CAMTA1: variants seen among roughly 807,000 people sequenced by gnomAD.
CAMTA1 encodes calmodulin binding transcription activator 1.
Under a neutral mutation model 170.9 loss-of-function variants are expected in CAMTA1, and 27 were observed. The ratio of observed to expected loss-of-function variants is 0.16; its 90% CI spans 0.12 to 0.22. The LOEUF (loss-of-function observed/expected upper bound fraction) is 0.22. Among genes scored for constraint, CAMTA1 ranks in the 10% least tolerant of loss-of-function variants. The pLI, the probability that CAMTA1 is intolerant of heterozygous loss-of-function variation, is 1.00. For missense variants in CAMTA1, 1,619 were observed against 2,217.2 expected (o/e 0.73, Z 5.42); for synonymous variants, 833 against 891.5 (o/e 0.93, Z 1.17).
intron 3 of CAMTA1, among the ~76,000 whole-genome samples, chr1:6,827,628 G>A (rs567708864): frequency 6.6e-6 from 1 of 152,124 alleles, no homozygotes; most frequent in South Asian, 2.1e-4. Context: ...CTGGGAATTG[G>A]CATTTTCTTA....
intron 11 of CAMTA1, among the ~76,000 whole-genome samples, chr1:7,705,645 G>A (rs545610633): frequency 6.6e-6 from 1 of 152,192 alleles, no homozygotes; most frequent in Admixed American, 6.5e-5. Flanking sequence ...TCCCGCGGCG[G>A]GGCCCGCGGA....
chr1:7,682,383 T>A lies in CAMTA1; in HGVS notation c.2914+4650T>A, dbSNP rs371949826. 1.1e-4 allele frequency among the ~76,000 whole-genome samples: 16 copies of A among 152,320 alleles called. No homozygotes were observed. Among genetic ancestry groups the A allele is most frequent in the African/African-American group, 3.8e-4 (16 of 41,572 alleles). On this transcript the variant is annotated intron_variant, in intron 11 of 22. Coordinates refer to ENST00000303635, the MANE Select transcript of CAMTA1 (RefSeq NM_015215.4). The surrounding 1 kb of genome is among the most constrained non-coding windows in gnomAD (Gnocchi z 5.0). ...TAGGTGTCTGGGAAGACTGAGAGCCTCGCTCCTGTCTAAGCAAGTGGAGAG... is the reference window on the plus strand; with the variant it reads ...TAGGTGTCTGGGAAGACTGAGAGCCACGCTCCTGTCTAAGCAAGTGGAGAG...
At chr1:7,401,393 T>C (rs990722473) in intron 5 of CAMTA1, among the ~76,000 whole-genome samples, 1 of 152,206 alleles carries the variant, frequency 6.6e-6, no homozygotes, top group Non-Finnish European at 1.5e-5. Flanking sequence ...CCTTGATTAC[T>C]GTATTATTAT....
intron 11 of CAMTA1, among the ~76,000 whole-genome samples, chr1:7,730,412 G>C (rs2096722970): frequency 6.6e-6 from 1 of 152,164 alleles, no homozygotes; most frequent in South Asian, 2.1e-4. Flanking sequence ...TTCTGGACAT[G>C]TTTGGCTCTT....
chr1:7,469,124 G>A (rs2093279264), intron 6 of CAMTA1, among the ~76,000 whole-genome samples: 1 of 152,174 alleles, frequency 6.6e-6, no homozygotes, highest in East Asian at 1.9e-4. Flanking sequence ...TGATGCCCGA[G>A]ACCATCCGGG....
intron 4 of CAMTA1, among the ~76,000 whole-genome samples, chr1:7,103,873 A>AC (rs1643191893): frequency 5.4e-5 from 8 of 148,120 alleles, no homozygotes; most frequent in African/African-American, 1.0e-4. Context: ...ACACACACAC[A>AC]ACTACACACA....
intron 3 of CAMTA1, among the ~76,000 whole-genome samples, chr1:6,902,034 GAC>G (rs1019356502): frequency 8.7e-6 from 1 of 114,808 alleles, no homozygotes; most frequent in Non-Finnish European, 1.7e-5. Context: ...GACAAGGTGA[GAC>G]TGTCACACAC....
chr1:7,382,774 C>T (rs531288132), intron 5 of CAMTA1: 4 of 152,180 alleles, frequency 2.6e-5, no homozygotes, highest in Admixed American at 2.6e-4. Flanking sequence ...AAACATTAAG[C>T]ACATGCCTCT....
chr1:6,984,234 G>A (rs368060942), intron 3 of CAMTA1, among the ~76,000 whole-genome samples: 3 of 151,612 alleles, frequency 2.0e-5, no homozygotes, highest in South Asian at 2.1e-4. Context: ...CTGGGTGGGC[G>A]GATGGCAACA....
chr1:7,314,166 G>C (rs766772721), intron 5 of CAMTA1, among the ~76,000 whole-genome samples: 3 of 152,180 alleles, frequency 2.0e-5, no homozygotes, highest in Non-Finnish European at 2.9e-5. Flanking sequence ...TTGGTCACTT[G>C]GTGCTGTTCT....
At position 6,962,101 on chromosome 1, in the gene CAMTA1, G is replaced by A. The variant is rs949448686; in HGVS notation, c.235-129203G>A. Among the ~76,000 whole-genome samples, 15 of 152,266 alleles carry A rather than the reference G, an allele frequency of 9.9e-5. No homozygotes were observed. In the South Asian group the frequency reaches 3.1e-3, roughly 32 times the overall value. ...GCAAGAGCCTGGAGCCTGCTGCTTTGGGCCTCACGCCTCTGTCTCATGCCT... is the reference window on the plus strand; with the variant it reads ...GCAAGAGCCTGGAGCCTGCTGCTTTAGGCCTCACGCCTCTGTCTCATGCCT... On this transcript the variant is annotated intron_variant, in intron 3 of 22. Transcript: ENST00000303635.
In CAMTA1 at chr1:7,439,270, GT is replaced by G. The variant is rs1308921523; in HGVS notation, c.439-28559del. 4.6e-5 allele frequency among the ~76,000 whole-genome samples: 7 copies of G among 152,288 alleles called. No homozygotes were observed. In the East Asian group the frequency reaches 1.4e-3, roughly 29 times the overall value. ...CCATGCTGCCACTGACCCCTCCTAG[GT>G]GGGGGATCTGTGTCCCCTGGACCAC... On this transcript the variant is annotated intron_variant, in intron 5 of 22. Transcript: ENST00000303635.
Position 7,634,402 on chromosome 1 carries a change from T to C in CAMTA1, c.511-5998T>C, listed in dbSNP as rs2148885416. Among the ~76,000 whole-genome samples the C allele has an allele frequency of 6.6e-6, 1 of 151,124 alleles. No individual in the cohort carries two copies. The highest frequency in any genetic ancestry group is 2.0e-4 in the East Asian group (1 of 5,110). On this transcript the variant is annotated intron_variant, in intron 6 of 22. Transcript: ENST00000303635. The surrounding 1 kb of genome is among the most constrained non-coding windows in gnomAD (Gnocchi z 6.2). ...GGGGCCAAGGGTGCTGAGCAGGAGG[T>C]CGGGAGGCGAGGTCGGCCATGGGAA...
intron 2 of CAMTA1, among the ~76,000 whole-genome samples, chr1:6,820,677 C>T (rs1646385669): frequency 6.6e-6 from 1 of 152,064 alleles, no homozygotes; most frequent in African/African-American, 2.4e-5. Flanking sequence ...TGTTCCTCCT[C>T]TGTAAAATGG....
intron 6 of CAMTA1, among the ~76,000 whole-genome samples, chr1:7,625,753 G>A (rs1191309411): frequency 6.6e-6 from 1 of 152,236 alleles, no homozygotes; most frequent in Non-Finnish European, 1.5e-5. Context: ...AGGATGTCGA[G>A]CCCCACTGGT....
At chr1:7,143,183 C>T (rs1395623511) in intron 4 of CAMTA1, among the ~76,000 whole-genome samples, 2 of 152,028 alleles carry the variant, frequency 1.3e-5, no homozygotes, top group African/African-American at 2.4e-5. Context: ...AGCAGCAAGG[C>T]GGGGTGGGCC....
chr1:7,282,721 G>T (rs1189587595), intron 5 of CAMTA1, among the ~76,000 whole-genome samples: 1 of 152,152 alleles, frequency 6.6e-6, no homozygotes, highest in Non-Finnish European at 1.5e-5. Flanking sequence ...TGCAGTGAGG[G>T]AGGGAAATAG....
intron 4 of CAMTA1, among the ~76,000 whole-genome samples, chr1:7,213,928 G>A (rs1025377009): frequency 6.6e-6 from 1 of 152,134 alleles, no homozygotes; most frequent in Non-Finnish European, 1.5e-5. Flanking sequence ...TCCCTACAAA[G>A]GACATGAACT....
At chr1:6,917,609 C>T (rs1681099144) in intron 3 of CAMTA1, among the ~76,000 whole-genome samples, 2 of 152,060 alleles carry the variant, frequency 1.3e-5, no homozygotes, top group South Asian at 2.1e-4. Flanking sequence ...TCTGTTTTGG[C>T]ACCCACTGCC....
Sources: gnomAD v4.1 joint callset for allele counts (sites outside exome capture counted in the v4.1 genomes callset) on GRCh38, gnomAD v4.1.1 for gene constraint, Gnocchi (gnomAD v3.1) non-coding constraint, MANE v1.5 for transcripts, NCBI Gene and HGNC (gene_info 2026-07-23, HGNC 2026-07-21) for gene names.